Variants in SAMD5 observed in about 807,000 individuals in gnomAD.
SAMD5 encodes the protein sterile alpha motif domain-containing protein 5.
A neutral mutation model predicts 11.3 loss-of-function variants in SAMD5; 13 were observed. That is an observed-to-expected ratio of 1.15 (90% confidence interval 0.75 to 1.83). The LOEUF (loss-of-function observed/expected upper bound fraction) is 1.83. Among genes scored for constraint, SAMD5 ranks in the 40% most tolerant of loss-of-function variants. The pLI is 0.00. For missense variants in SAMD5, 255 were observed against 239.1 expected (o/e 1.07, Z -0.44); for synonymous variants, 129 against 111.3 (o/e 1.16, Z -1.00).
intron 1 of SAMD5, among the ~76,000 whole-genome samples, chr6:147,616,340 T>A (rs935831385): frequency 2.0e-5 from 3 of 149,310 alleles, no homozygotes; most frequent in Middle Eastern, 6.5e-3. Context: ...ATATATTTCA[T>A]ATAATGAAAT....
At chr6:147,563,581 G>C (rs778736510) in intron 1 of SAMD5, among the ~76,000 whole-genome samples, 4 of 152,112 alleles carry the variant, frequency 2.6e-5, no homozygotes, top group Non-Finnish European at 5.9e-5. Flanking sequence ...AGGGATTGTG[G>C]GCACACAGCA....
chr6:147,862,997 G>A, the SAMD5 span, among the ~76,000 whole-genome samples: 4 of 152,210 alleles, frequency 2.6e-5, no homozygotes, highest in South Asian at 8.3e-4. Context: ...ATGTAGGCTG[G>A]GGAATCACAG....
the SAMD5 span, among the ~76,000 whole-genome samples, chr6:147,873,253 T>A: frequency 6.6e-6 from 1 of 151,910 alleles, no homozygotes; most frequent in Admixed American, 6.6e-5. Flanking sequence ...GGTGCACGCC[T>A]GTAGTCCCAG....
chr6:147,922,786 TA>T, the SAMD5 span, among the ~76,000 whole-genome samples: 1 of 152,178 alleles, frequency 6.6e-6, no homozygotes, highest in Non-Finnish European at 1.5e-5. Flanking sequence ...ACAAATCTAC[TA>T]AAAAATCAAT....
chr6:147,666,127 C>T (rs1348383769), intron 1 of SAMD5, among the ~76,000 whole-genome samples: 2 of 152,108 alleles, frequency 1.3e-5, no homozygotes, highest in African/African-American at 2.4e-5. Flanking sequence ...TTAGTAGAGA[C>T]GGGGTTTCAC....
At chr6:147,666,844 C>T (rs1252872402) in intron 1 of SAMD5, among the ~76,000 whole-genome samples, 1 of 152,126 alleles carries the variant, frequency 6.6e-6, no homozygotes, top group Non-Finnish European at 1.5e-5. Context: ...ACTTTTGTCC[C>T]AGCTTGTTTA....
intron 1 of SAMD5, among the ~76,000 whole-genome samples, chr6:147,586,138 G>C (rs1192785792): frequency 1.3e-5 from 2 of 152,176 alleles, no homozygotes; most frequent in Non-Finnish European, 2.9e-5. Flanking sequence ...ACTTTGGAAA[G>C]GGCAGAAAGC....
At chr6:147,716,271 G>A (rs1433572319) in intron 1 of SAMD5, among the ~76,000 whole-genome samples, 1 of 152,254 alleles carries the variant, frequency 6.6e-6, no homozygotes, top group Non-Finnish European at 1.5e-5. Context: ...TGCTCTGGGT[G>A]TGCACACATC....
At chr6:147,878,753 A>G in the SAMD5 span, among the ~76,000 whole-genome samples, 2 of 151,296 alleles carry the variant, frequency 1.3e-5, no homozygotes. Flanking sequence ...TTCTCTAGAG[A>G]ACTAATACAA....
the SAMD5 span, among the ~76,000 whole-genome samples, chr6:147,800,054 C>T: frequency 6.6e-6 from 1 of 151,116 alleles, no homozygotes; most frequent in South Asian, 2.1e-4. Flanking sequence ...CGTCTGAAGC[C>T]TTCTTCTCTC....
At chr6:147,556,755 A>G (rs1052293898) in intron 1 of SAMD5, among the ~76,000 whole-genome samples, 1 of 150,098 alleles carries the variant, frequency 6.7e-6, no homozygotes, top group Non-Finnish European at 1.5e-5. Context: ...TTAAACTCTC[A>G]TTCTTCAATA....
the SAMD5 span, among the ~76,000 whole-genome samples, chr6:147,952,038 G>C: frequency 3.5e-4 from 54 of 152,252 alleles, no homozygotes; most frequent in African/African-American, 1.3e-3. Flanking sequence ...ATTGGTTTTG[G>C]TGAGAACCAA....
intron 1 of SAMD5, among the ~76,000 whole-genome samples, chr6:147,611,133 A>C (rs1193924324): frequency 2.0e-5 from 3 of 152,078 alleles, no homozygotes. Context: ...TGGCCTCCCA[A>C]AGTGCTGGGA....
chr6:147,745,567 TCTG>T, the SAMD5 span, among the ~76,000 whole-genome samples: 1 of 152,136 alleles, frequency 6.6e-6, no homozygotes, highest in Non-Finnish European at 1.5e-5. Flanking sequence ...ATCAGACAAA[TCTG>T]CTCCTGAGAA....
At chr6:147,521,496 T>C (rs972355483) in intron 1 of SAMD5, among the ~76,000 whole-genome samples, 3 of 152,114 alleles carry the variant, frequency 2.0e-5, no homozygotes, top group African/African-American at 7.2e-5. Flanking sequence ...TTCTTTCAAA[T>C]TGGAGAAATA....
chr6:147,699,076 G>A (rs1390724794), intron 1 of SAMD5, among the ~76,000 whole-genome samples: 1 of 152,064 alleles, frequency 6.6e-6, no homozygotes, highest in Non-Finnish European at 1.5e-5. Context: ...AGGATTTCCT[G>A]GTTCTCAACA....
exon 2 of SAMD5, chr6:147,737,423 G>A: frequency 1.0e-6 from 1 of 986,684 alleles, no homozygotes; most frequent in South Asian, 1.4e-5. Flanking sequence ...ATAAGAAGAT[G>A]TATTGACATT....
chr6:147,817,218 A>G, the SAMD5 span, among the ~76,000 whole-genome samples: 1 of 152,216 alleles, frequency 6.6e-6, no homozygotes, highest in Non-Finnish European at 1.5e-5. Context: ...TCATATTTAT[A>G]TGCCCCACAA....
intron 1 of SAMD5, among the ~76,000 whole-genome samples, chr6:147,624,570 C>T (rs989430208): frequency 6.6e-6 from 1 of 152,176 alleles, no homozygotes; most frequent in African/African-American, 2.4e-5. Flanking sequence ...TAATCCATTC[C>T]TTTTTATGGC....
Sources: gnomAD v4.1 joint callset for allele counts (sites outside exome capture counted in the v4.1 genomes callset) on GRCh38, gnomAD v4.1.1 for gene constraint, MANE v1.5 for transcripts, NCBI Gene and HGNC (gene_info 2026-07-23, HGNC 2026-07-21) for gene names.